Variants in FHL2 observed in about 807,000 individuals in gnomAD.
The protein encoded by FHL2 is four and a half LIM domains 2.
FHL2 carries 20 observed loss-of-function variants against 32.7 expected under a neutral mutation model. That is an observed-to-expected ratio of 0.61 (90% confidence interval 0.43 to 0.89). The LOEUF is 0.89. Among genes scored for constraint, FHL2 ranks in the 40% least tolerant of loss-of-function variants. The probability of loss-of-function intolerance (pLI) is 0.00; values close to 1 mark genes in which losing one functional copy is unlikely to be tolerated. For synonymous variants in FHL2, 123 were observed against 128.1 expected, an observed-to-expected ratio of 0.96 and a Z score of 0.27; for missense variants, 311 against 358.6, an observed-to-expected ratio of 0.87 and a Z score of 1.07.
chr2:105,358,621 A>T (rs542953267), downstream of FHL2: 1 of 152,260 alleles, frequency 6.6e-6, no homozygotes, highest in African/African-American at 2.4e-5. Flanking sequence ...TTAGTAGTGG[A>T]TTTTCCTGAA....
chr2:105,404,500 C>G (rs1683567051), intron 1 of FHL2, among the ~76,000 whole-genome samples: 1 of 152,192 alleles, frequency 6.6e-6, no homozygotes, highest in African/African-American at 2.4e-5. Flanking sequence ...TCTGGAAACA[C>G]TATTTGCCCG....
At chr2:105,423,876 C>T (rs1412921382) in intron 1 of FHL2, among the ~76,000 whole-genome samples, 4 of 152,144 alleles carry the variant, frequency 2.6e-5, no homozygotes, top group Non-Finnish European at 5.9e-5. Context: ...AAAATTGACT[C>T]AAGATGGGTT....
chr2:105,438,308 T>C (rs556288855), intron 1 of FHL2: 2 of 942,056 alleles, frequency 2.1e-6, no homozygotes, highest in Admixed American at 6.2e-5. Flanking sequence ...TCCCTCTGCA[T>C]GCAACAAGAT....
At chr2:105,404,843 T>C (rs1406975512) in intron 1 of FHL2, among the ~76,000 whole-genome samples, 3 of 152,256 alleles carry the variant, frequency 2.0e-5, no homozygotes, top group Non-Finnish European at 4.4e-5. Flanking sequence ...TTTCACAAAC[T>C]ATTTGTTGGA....
intron 1 of FHL2, chr2:105,397,022 T>G (rs1454479046): frequency 2.1e-5 from 5 of 241,318 alleles, no homozygotes; most frequent in African/African-American, 4.7e-5. Context: ...TTTTTTTTTT[T>G]TTTTTTTTTG....
rs547585836 is a variant in FHL2, at chr2:105,378,245, G to A, written c.157-4512C>T. 48 of 464,398 alleles carry A rather than the reference G, an allele frequency of 1.0e-4. 2 individuals carry two copies. Among genetic ancestry groups the A allele is most frequent in the South Asian group, 7.4e-4 (47 of 63,408 alleles). 28.8% of individuals were successfully genotyped at this position (464,398 alleles called of 1,614,324 possible). A position where few individuals can be genotyped will look rare whatever the true frequency, so the allele number is the denominator to read the frequency against. ...AGCTACAGTTTAAGACTGATTCATTGACACGTGACACTTGAAACTGTCCCT... is the reference window on the plus strand; with the variant it reads ...AGCTACAGTTTAAGACTGATTCATTAACACGTGACACTTGAAACTGTCCCT... On this transcript the variant is annotated intron_variant, in intron 3 of 6. Coordinates refer to ENST00000530340, the MANE Select transcript of FHL2 (RefSeq NM_001318895.3).
chr2:105,365,915 A>G lies in FHL2; in HGVS notation c.501+1655T>C, dbSNP rs573965525. ...ATAAAATTTAAAATAACAGTAAAGAACAAATGGGGCCAGGCATGGTGGCTC... is the reference window on the plus strand; with the variant it reads ...ATAAAATTTAAAATAACAGTAAAGAGCAAATGGGGCCAGGCATGGTGGCTC... On this transcript the variant is annotated intron_variant, in intron 5 of 6. Coordinates refer to ENST00000530340, the MANE Select transcript of FHL2 (RefSeq NM_001318895.3). Among the ~76,000 whole-genome samples the G allele has an allele frequency of 2.2e-3, 333 of 152,202 alleles. 1 individual carries two copies. Among genetic ancestry groups the G allele is most frequent in the Middle Eastern group, 6.8e-3 (2 of 294 alleles).
chr2:105,385,474 G>C (rs1682237628), intron 3 of FHL2, among the ~76,000 whole-genome samples: 1 of 152,208 alleles, frequency 6.6e-6, no homozygotes, highest in Admixed American at 6.5e-5. Context: ...AAAGCAACGA[G>C]AGCAGAAAAG....
At chr2:105,429,255 T>C (rs1467800725) in intron 1 of FHL2, among the ~76,000 whole-genome samples, 2 of 152,160 alleles carry the variant, frequency 1.3e-5, no homozygotes, top group Non-Finnish European at 1.5e-5. Flanking sequence ...CTCTTAGTAA[T>C]TGGTAGCAAA....
intron 2 of FHL2, among the ~76,000 whole-genome samples, chr2:105,388,293 C>G (rs1268600698): frequency 6.6e-6 from 1 of 152,110 alleles, no homozygotes; most frequent in African/African-American, 2.4e-5. Flanking sequence ...CCATGCCCGG[C>G]ACACTGCATT....
chr2:105,405,419 T>C (rs1683597812), intron 1 of FHL2, among the ~76,000 whole-genome samples: 1 of 152,160 alleles, frequency 6.6e-6, no homozygotes, highest in African/African-American at 2.4e-5. Flanking sequence ...ATGTTTATGT[T>C]ATTTTATTTG....
chr2:105,403,306 A>G (rs775102797), upstream of FHL2, among the ~76,000 whole-genome samples: 7 of 152,276 alleles, frequency 4.6e-5, no homozygotes, highest in Non-Finnish European at 1.0e-4. Context: ...TGCTATGGAT[A>G]AAAGGCTAGT....
intron 1 of FHL2, among the ~76,000 whole-genome samples, chr2:105,428,139 AG>A (rs1213611750): frequency 6.6e-6 from 1 of 152,204 alleles, no homozygotes; most frequent in Non-Finnish European, 1.5e-5. Context: ...AAGCCTGCTG[AG>A]GGTGGCCCCT....
At chr2:105,412,977 G>A (rs1238872564) in intron 1 of FHL2, among the ~76,000 whole-genome samples, 12 of 152,308 alleles carry the variant, frequency 7.9e-5, no homozygotes, top group South Asian at 4.1e-4. Flanking sequence ...GAAATTCCAC[G>A]TAGCTCAGTA....
In FHL2 at chr2:105,395,086, G is replaced by A. The variant is rs546743781; in HGVS notation, c.-25+1561C>T. Among the ~76,000 whole-genome samples the A allele has an allele frequency of 7.9e-5, 12 of 152,340 alleles. 1 individual carries two copies. In the South Asian group the frequency reaches 1.9e-3, roughly 24 times the overall value. On this transcript the variant is annotated intron_variant, in intron 2 of 6. Transcript: ENST00000530340. ...GTAACCACTGTTTTCCATGTGCTACGTGAGGCACTGGGAAGCTGAGATAAA... is the reference window on the plus strand; with the variant it reads ...GTAACCACTGTTTTCCATGTGCTACATGAGGCACTGGGAAGCTGAGATAAA...
chr2:105,411,869 A>G (rs377183494), intron 1 of FHL2, among the ~76,000 whole-genome samples: 83 of 152,100 alleles, frequency 5.5e-4, no homozygotes, highest in African/African-American at 1.8e-3. Flanking sequence ...AATTGGATTG[A>G]GTAGAGAGCC....
chr2:105,412,923 G>A (rs1050907177), intron 1 of FHL2, among the ~76,000 whole-genome samples: 5 of 152,198 alleles, frequency 3.3e-5, no homozygotes, highest in African/African-American at 1.2e-4. Context: ...ACAATGGAGG[G>A]TGTGGAGACG....
chr2:105,385,170 TA>T (rs1682210912), intron 3 of FHL2, among the ~76,000 whole-genome samples: 5 of 152,218 alleles, frequency 3.3e-5, no homozygotes. Context: ...AGCATTGGTT[TA>T]GGGGGCTGGT....
chr2:105,422,092 C>G lies in FHL2; in HGVS notation c.-25+16307G>C, dbSNP rs991853235. On this transcript the variant is annotated intron_variant, in intron 1 of 5. Coordinates refer to the FHL2 transcript ENST00000393352. Reference sequence around the variant, plus strand: ...CTTCCCCACATACATGCAAGTCCTCCAACACCATGCATGTCCAGCAGCAAT... The same window carrying G: ...CTTCCCCACATACATGCAAGTCCTCGAACACCATGCATGTCCAGCAGCAAT... Among the ~76,000 whole-genome samples the G allele has an allele frequency of 2.0e-5, 3 of 152,188 alleles. No homozygotes were observed. In the South Asian group the frequency reaches 6.2e-4, roughly 32 times the overall value.
Sources: gnomAD v4.1 joint callset for allele counts (sites outside exome capture counted in the v4.1 genomes callset) on GRCh38, gnomAD v4.1.1 for gene constraint, MANE v1.5 for transcripts, NCBI Gene and HGNC (gene_info 2026-07-23, HGNC 2026-07-21) for gene names.